EOGT: variants seen among roughly 807,000 people sequenced by gnomAD.
The protein encoded by EOGT is EGF domain-specific O-linked N-acetylglucosamine transferase.
Under a neutral mutation model 70.5 loss-of-function variants are expected in EOGT, and 55 were observed. The ratio of observed to expected loss-of-function variants is 0.78; its 90% CI spans 0.63 to 0.98. The LOEUF (loss-of-function observed/expected upper bound fraction) is 0.98, where lower values mean the gene tolerates loss of function less well. Among genes scored for constraint, EOGT ranks in the 50% least tolerant of loss-of-function variants. EOGT has a pLI of 0.00. For missense variants in EOGT, 703 were observed against 641.9 expected (o/e 1.10, Z -1.03); for synonymous variants, 246 against 217.1 (o/e 1.13, Z -1.17).
At chr3:68,984,227 T>TCACACACA (rs375056353) in intron 14 of EOGT, among the ~76,000 whole-genome samples, 1 of 148,946 alleles carries the variant, frequency 6.7e-6, no homozygotes, top group East Asian at 2.0e-4. Flanking sequence ...TCTCTCACAC[T>TCACACACA]CACACACACA....
chr3:68,988,866 T>C (rs2090894998), intron 11 of EOGT, 59 bp downstream of exon 11: 1 of 884,808 alleles, frequency 1.1e-6, no homozygotes, highest in South Asian at 1.6e-5. Flanking sequence ...GTTTATTTTA[T>C]GAGTGAGTCA....
At chr3:69,000,050 A>G (rs1039713028) in intron 9 of EOGT, among the ~76,000 whole-genome samples, 2 of 152,090 alleles carry the variant, frequency 1.3e-5, no homozygotes, top group African/African-American at 4.8e-5. Context: ...ATGAGACCCC[A>G]TCTCTACAAA....
chr3:69,000,305 CAT>C (rs1352474970), intron 9 of EOGT, among the ~76,000 whole-genome samples: 1 of 152,142 alleles, frequency 6.6e-6, no homozygotes, highest in Non-Finnish European at 1.5e-5. Context: ...AGAAATGAGA[CAT>C]GTCTACTCTA....
chr3:69,013,385 G>C (rs911449352), intron 1 of EOGT, among the ~76,000 whole-genome samples, 189 bp downstream of exon 1: 1 of 151,946 alleles, frequency 6.6e-6, no homozygotes, highest in Non-Finnish European at 1.5e-5. Context: ...GGAGGGCCAG[G>C]ATCGGCTTCC....
At chr3:68,994,030 G>A (rs2091073958) in intron 10 of EOGT, among the ~76,000 whole-genome samples, 1 of 152,064 alleles carries the variant, frequency 6.6e-6, no homozygotes. Context: ...ACCATATCAA[G>A]GACCAATCTG....
chr3:68,987,930 G>C lies in EOGT; in HGVS notation c.1083+365C>G, dbSNP rs1334476359. On this transcript the variant is annotated intron_variant, in intron 13 of 17. Transcript: ENST00000383701. ...AGGTCAGAAAATGTTTTTGGGTTTTGTTTTGGGGCAGTCTTGCTCTGTCGC... is the reference window on the plus strand; with the variant it reads ...AGGTCAGAAAATGTTTTTGGGTTTTCTTTTGGGGCAGTCTTGCTCTGTCGC... 8 of 329,378 alleles carry C rather than the reference G, an allele frequency of 2.4e-5. No homozygotes were observed. The East Asian group carries it at 2.7e-4, about 11-fold the overall frequency. The allele number at this position is 329,378 out of a possible 1,614,324, so 20.4% of individuals were successfully genotyped here.
chr3:68,998,255 A>C, intron 9 of EOGT, 141 bp from the exon 10 acceptor site: 1 of 597,994 alleles, frequency 1.7e-6, no homozygotes, highest in South Asian at 2.1e-5. Context: ...TTGTTTTTCC[A>C]AACATGAAAT....
chr3:68,996,481 C>A (rs559251634), intron 10 of EOGT, among the ~76,000 whole-genome samples: 78 of 152,316 alleles, frequency 5.1e-4, no homozygotes, highest in Admixed American at 5.1e-3. Context: ...TGCATCTGGA[C>A]TGGGAAAGCC....
At chr3:68,994,153 C>T (rs944247561) in intron 10 of EOGT, among the ~76,000 whole-genome samples, 2 of 152,078 alleles carry the variant, frequency 1.3e-5, no homozygotes, top group Admixed American at 6.5e-5. Flanking sequence ...TATGTTATGA[C>T]TATATTGTCA....
intron 14 of EOGT, among the ~76,000 whole-genome samples, chr3:68,986,191 G>A (rs562261345): frequency 1.3e-5 from 2 of 152,270 alleles, no homozygotes; most frequent in Admixed American, 6.5e-5. Context: ...TGATTATACT[G>A]GGCTCACGTG....
intron 8 of EOGT, 60 bp downstream of exon 8, chr3:69,004,318 C>CT: frequency 8.1e-7 from 1 of 1,233,984 alleles, no homozygotes; most frequent in Non-Finnish European, 1.2e-6. Flanking sequence ...CCATTAATAT[C>CT]TGCAAGTGCC....
At position 68,977,783 on chromosome 3, in the gene EOGT, AC is replaced by A. The variant is rs769913561; in HGVS notation, c.1438-20del. 2 of 1,603,326 alleles carry A rather than the reference AC, an allele frequency of 1.2e-6. No homozygotes were observed. Among genetic ancestry groups the A allele is most frequent in the Admixed American group, 3.5e-5 (2 of 57,516 alleles). On this transcript the variant is annotated intron_variant, in intron 17 of 17. Transcript: ENST00000383701. Reference sequence around the variant, plus strand: ...GGTGGCCCTGTGAAAATAAACCAAAACACGAATCCATAACTCAATGAGGGCA... The same window carrying A: ...GGTGGCCCTGTGAAAATAAACCAAAAACGAATCCATAACTCAATGAGGGCA...
intron 9 of EOGT, 115 bp from the exon 10 acceptor site, chr3:68,998,229 G>GA (rs1466648245): frequency 4.7e-6 from 3 of 637,992 alleles, no homozygotes; most frequent in East Asian, 6.0e-5. Flanking sequence ...AATAAATGGG[G>GA]AAAAAAATAA....
In EOGT at chr3:68,988,277, C is replaced by A; in HGVS notation, c.1083+18G>T. On this transcript the variant is annotated intron_variant, in intron 13 of 17. Transcript: ENST00000383701. ...AGAAAACTCAAGCCCACCTCAGAAT[C>A]CGCAGTGTATCCATTACCTTAGGTC... The A allele has an allele frequency of 6.6e-7, 1 of 1,507,992 alleles. No individual in the cohort carries two copies. 93.4% of individuals were successfully genotyped at this position (1,507,992 alleles called of 1,614,324 possible).
rs918920832 is a variant in EOGT at position 68,976,186 on chromosome 3, T to C, written c.*1432A>G. 3.9e-5 allele frequency: 6 copies of C among 152,194 alleles called. No individual in the cohort carries two copies. Among genetic ancestry groups the C allele is most frequent in the African/African-American group, 1.4e-4 (6 of 41,460 alleles). 9.4% of individuals were successfully genotyped at this position (152,194 alleles called of 1,614,324 possible). Reference sequence around the variant, plus strand: ...TTTCACTTTCATTGAATAAGTCACATGTCTTTAGTTTGTTTTTTCTTGGTC... The same window carrying C: ...TTTCACTTTCATTGAATAAGTCACACGTCTTTAGTTTGTTTTTTCTTGGTC... On this transcript the variant is annotated 3_prime_UTR_variant, in exon 18 of 18. Coordinates refer to ENST00000383701, the MANE Select transcript of EOGT (RefSeq NM_001278689.2).
chr3:68,978,038 T>G lies in EOGT; in HGVS notation c.1438-274A>C, dbSNP rs185050622. Among the ~76,000 whole-genome samples the G allele has an allele frequency of 4.8e-3, 733 of 152,318 alleles. 10 individuals are homozygous for G. Among genetic ancestry groups the G allele is most frequent in the Middle Eastern group, 6.8e-3 (2 of 294 alleles). Reference sequence around the variant, plus strand: ...TGACTGTGCTTTCTTTACAAAAACATGTCATGGGCTGGATTTGCCCACAGG... The same window carrying G: ...TGACTGTGCTTTCTTTACAAAAACAGGTCATGGGCTGGATTTGCCCACAGG... On this transcript the variant is annotated intron_variant, in intron 17 of 17. Transcript: ENST00000383701.
chr3:68,981,173 G>T (rs573791786), intron 15 of EOGT, among the ~76,000 whole-genome samples: 4 of 152,290 alleles, frequency 2.6e-5, no homozygotes, highest in Admixed American at 2.6e-4. Flanking sequence ...AAGCAAGTAA[G>T]CATAAAAGTA....
chr3:68,982,348 C>T (rs887361913), intron 15 of EOGT, among the ~76,000 whole-genome samples: 3 of 151,100 alleles, frequency 2.0e-5, no homozygotes, highest in African/African-American at 4.9e-5. Flanking sequence ...GGTGAAACCT[C>T]GTCTCTACAA....
In EOGT at chr3:68,977,305, G is replaced by A. The variant is rs547875933; in HGVS notation, c.*313C>T. 4.6e-6 allele frequency: 1 copy of A among 219,248 alleles called. No homozygotes were observed. Among genetic ancestry groups the A allele is most frequent in the East Asian group, 1.6e-4 (1 of 6,348 alleles). 13.6% of individuals were successfully genotyped at this position (219,248 alleles called of 1,614,324 possible). On this transcript the variant is annotated 3_prime_UTR_variant, in exon 18 of 18. Transcript: ENST00000383701. ...CATGCCACTGCACTCCAGCCTGGGT[G>A]ACAGTGAGACTCTGTCTCCAAAAAA...
Sources: allele counts gnomAD v4.1 joint callset (sites outside exome capture counted in the v4.1 genomes callset), GRCh38; gene constraint gnomAD v4.1.1; transcripts MANE v1.5; gene names NCBI Gene and HGNC (gene_info 2026-07-23, HGNC 2026-07-21).